Variants in HIP1 observed in about 807,000 individuals in gnomAD.
The protein encoded by HIP1 is huntingtin-interacting protein 1.
Under a neutral mutation model 147.6 loss-of-function variants are expected in HIP1, and 65 were observed. That is an observed-to-expected ratio of 0.44 (90% CI 0.36 to 0.54). The LOEUF is 0.54. Among genes scored for constraint, HIP1 ranks in the 20% least tolerant of loss-of-function variants. HIP1 has a pLI of 0.00. For missense variants in HIP1, 1,061 were observed against 1,299.6 expected (o/e 0.82, Z 2.82); for synonymous variants, 479 against 504.0 (o/e 0.95, Z 0.67).
At chr7:75,597,880 C>T (rs782555855) in intron 2 of HIP1, among the ~76,000 whole-genome samples, 10 of 152,156 alleles carry the variant, frequency 6.6e-5, no homozygotes, top group South Asian at 2.1e-4. Flanking sequence ...GCTCCAGTTC[C>T]TGGATTCTGC....
At chr7:75,698,001 T>A (rs1800694400) in intron 1 of HIP1, among the ~76,000 whole-genome samples, 1 of 152,132 alleles carries the variant, frequency 6.6e-6, no homozygotes, top group African/African-American at 2.4e-5. Context: ...AAAAAAATTT[T>A]TTTGTAGAGA....
intron 8 of HIP1, among the ~76,000 whole-genome samples, chr7:75,572,824 C>T (rs1795693983): frequency 6.6e-6 from 1 of 152,154 alleles, no homozygotes; most frequent in Non-Finnish European, 1.5e-5. Flanking sequence ...GGGTGGCAGC[C>T]CTGCTGCCCC....
Position 75,562,990 on chromosome 7 carries a change from T to A in HIP1, c.965A>T (p.Asp322Val), listed in dbSNP as rs1554494864. ...ATCCTTCTCTAGGACTGGCTCGCTG[T>A]CGGGGGATGAGGCCTCTGCAGGGAT... is the stretch of plus-strand genomic sequence containing the variant. ...VVIPAEASSP[D>V]SEPVLEKDDL... Residue 322 changes from aspartate to valine, a missense_variant, in exon 11 of 31, where the codon GAC becomes GTC. Around this residue, in one of 3 missense-constraint regions of HIP1, gnomAD observed 810 missense variants for 946.8 expected, o/e 0.86. Coordinates refer to ENST00000336926, the MANE Select transcript of HIP1 (RefSeq NM_005338.7). The A allele has an allele frequency of 1.9e-6, 3 of 1,614,178 alleles. No homozygotes were observed.
intron 5 of HIP1, 71 bp downstream of exon 5, chr7:75,586,682 G>T: frequency 1.1e-6 from 1 of 923,952 alleles, no homozygotes; most frequent in Non-Finnish European, 1.8e-6. Context: ...TGACAAATGA[G>T]CCCAGGGAGG....
chr7:75,598,152 T>C (rs1444049971), intron 2 of HIP1, among the ~76,000 whole-genome samples: 2 of 152,176 alleles, frequency 1.3e-5, no homozygotes, highest in Non-Finnish European at 2.9e-5. Context: ...TGGTGGCTCA[T>C]GCCTGTGATC....
At chr7:75,603,859 G>A (rs1414906424) in intron 1 of HIP1, among the ~76,000 whole-genome samples, 1 of 151,118 alleles carries the variant, frequency 6.6e-6, no homozygotes, top group Non-Finnish European at 1.5e-5. Context: ...GGGCAACAGA[G>A]CAAAAACCCT....
chr7:75,561,974 C>A, intron 12 of HIP1, 99 bp downstream of exon 12: 1 of 753,788 alleles, frequency 1.3e-6, no homozygotes, highest in South Asian at 1.5e-5. Context: ...TCTAAGAAGC[C>A]CCAGTATCAT....
chr7:75,645,056 G>A (rs1337416806), intron 1 of HIP1, among the ~76,000 whole-genome samples: 1 of 152,158 alleles, frequency 6.6e-6, no homozygotes, highest in East Asian at 1.9e-4. Flanking sequence ...AAGGTGCAGC[G>A]TCACTCAGGA....
chr7:75,577,393 T>C (rs1182392015), intron 7 of HIP1, among the ~76,000 whole-genome samples: 1 of 146,624 alleles, frequency 6.8e-6, no homozygotes, highest in African/African-American at 2.6e-5. Context: ...AATAGGTGAA[T>C]AGAATTCATT....
chr7:75,706,788 C>T (rs1424844951), intron 1 of HIP1, among the ~76,000 whole-genome samples: 1 of 96,254 alleles, frequency 1.0e-5, no homozygotes, highest in African/African-American at 4.3e-5. Flanking sequence ...CCCCCTCCCC[C>T]GACCCCACCA....
chr7:75,537,266 C>T lies in HIP1; in HGVS notation c.*906G>A, dbSNP rs1364515898. On this transcript the variant is annotated 3_prime_UTR_variant, in exon 31 of 31. Coordinates refer to ENST00000336926, the MANE Select transcript of HIP1 (RefSeq NM_005338.7). ...CTTGTAAAGGCGGACAGAGGCTTTC[C>T]GCCGGGATTCAGCTTTAGGAGGGAA... is the stretch of plus-strand genomic sequence containing the variant. 4 of 232,804 alleles carry T rather than the reference C, an allele frequency of 1.7e-5. No individual in the cohort carries two copies. The East Asian group carries it at 1.8e-4, about 11-fold the overall frequency. The allele number at this position is 232,804 out of a possible 1,614,324, so 14.4% of individuals were successfully genotyped here.
chr7:75,610,694 T>C lies in HIP1; in HGVS notation c.121-11447A>G, dbSNP rs587761235. Among the ~76,000 whole-genome samples, 36 of 151,636 alleles carry C rather than the reference T, an allele frequency of 2.4e-4. No homozygotes were observed. In the East Asian group the frequency reaches 5.4e-3, roughly 23 times the overall value. ...ATCAGGACTGGCTGCTTCCCAGCAC[T>C]CTCGCCTCTAAAGTGTACCAGGTAG... On this transcript the variant is annotated intron_variant, in intron 1 of 30. Coordinates refer to ENST00000336926, the MANE Select transcript of HIP1 (RefSeq NM_005338.7).
At chr7:75,590,349 G>A (rs1358226348) in intron 4 of HIP1, among the ~76,000 whole-genome samples, 1 of 152,096 alleles carries the variant, frequency 6.6e-6, no homozygotes, top group Non-Finnish European at 1.5e-5. Flanking sequence ...CAAGCATTTT[G>A]TAATTATTAG....
intron 30 of HIP1, among the ~76,000 whole-genome samples, chr7:75,538,576 T>A (rs1321592570): frequency 7.4e-6 from 1 of 135,406 alleles, no homozygotes; most frequent in Non-Finnish European, 1.7e-5. Context: ...CCTTCTTTTT[T>A]TTTTTTTTTT....
At chr7:75,682,658 A>G (rs1045370065) in intron 1 of HIP1, among the ~76,000 whole-genome samples, 1 of 152,136 alleles carries the variant, frequency 6.6e-6, no homozygotes, top group Non-Finnish European at 1.5e-5. Context: ...AGGAGACAAG[A>G]GTTTTAGTTG....
At chr7:75,598,018 T>G (rs587677943) in intron 2 of HIP1, among the ~76,000 whole-genome samples, 1 of 152,184 alleles carries the variant, frequency 6.6e-6, no homozygotes, top group East Asian at 1.9e-4. Context: ...CCTAATCCAC[T>G]TCAAGGCTCT....
rs1554501699 is a variant in HIP1, at chr7:75,595,283, C to CCTTTCTTTTTCTCT, written c.185-2770_185-2769insAGAGAAAAAGAAAG. Among the ~76,000 whole-genome samples the CCTTTCTTTTTCTCT allele has an allele frequency of 1.5e-3, 126 of 83,266 alleles. 2 individuals are homozygous for CCTTTCTTTTTCTCT. The highest frequency in any genetic ancestry group is 3.1e-3 in the South Asian group (8 of 2,550). The allele number at this position is 83,266 out of a possible 152,430, so 54.6% of individuals were successfully genotyped here. ...TCCTTCCTTCCTTCCTTCCTTCCTT[C>CCTTTCTTTTTCTCT]CTTTCTTTCTTTCTCTCTCTCCCTT... On this transcript the variant is annotated intron_variant, in intron 2 of 30. Coordinates refer to ENST00000336926, the MANE Select transcript of HIP1 (RefSeq NM_005338.7).
At chr7:75,609,564 CT>C (rs61311867) in intron 1 of HIP1, among the ~76,000 whole-genome samples, 40 of 144,896 alleles carry the variant, frequency 2.8e-4, no homozygotes, top group Non-Finnish European at 2.1e-4. Flanking sequence ...CTTTTTTTTT[CT>C]TTTTTTTTTT....
intron 25 of HIP1, among the ~76,000 whole-genome samples, chr7:75,545,986 CA>C (rs1269241066): frequency 6.6e-6 from 1 of 151,976 alleles, no homozygotes; most frequent in African/African-American, 2.4e-5. Flanking sequence ...AACAAAACAA[CA>C]AACAAAAAGA....
Sources: allele counts gnomAD v4.1 joint callset (sites outside exome capture counted in the v4.1 genomes callset), GRCh38; gene constraint gnomAD v4.1.1; regional missense constraint gnomAD v4.1.1; transcripts MANE v1.5; gene names NCBI Gene and HGNC (gene_info 2026-07-23, HGNC 2026-07-21).